Variants in SLC28A3 observed in about 807,000 individuals in gnomAD.
SLC28A3 encodes solute carrier family 28 member 3, also known as concentrative Na(+)-nucleoside cotransporter 3.
A neutral mutation model predicts 84.2 loss-of-function variants in SLC28A3; 68 were observed. That is an observed-to-expected ratio of 0.81 (90% CI 0.66 to 0.99). The LOEUF is 0.99. Among genes scored for constraint, SLC28A3 ranks in the 50% least tolerant of loss-of-function variants. The probability of loss-of-function intolerance (pLI) is 0.00; values close to 1 mark genes in which losing one functional copy is unlikely to be tolerated. For missense variants in SLC28A3, 712 were observed against 841.5 expected, an observed-to-expected ratio of 0.85 and a Z score of 1.90; for synonymous variants, 267 against 303.6, an observed-to-expected ratio of 0.88 and a Z score of 1.25.
chr9:84,358,002 ATCCCCTCATTGAT>A, the SLC28A3 span, among the ~76,000 whole-genome samples: 3 of 152,240 alleles, frequency 2.0e-5, no homozygotes, highest in African/African-American at 7.2e-5. Flanking sequence ...ACTCCATTTC[ATCCCCTCATTGAT>A]TCCCCTATTA....
intron 1 of SLC28A3, among the ~76,000 whole-genome samples, chr9:84,316,816 T>C (rs1408504455): frequency 6.6e-6 from 1 of 151,904 alleles, no homozygotes; most frequent in East Asian, 1.9e-4. Flanking sequence ...GCCTGGCCAA[T>C]ATGGTAACAC....
chr9:84,302,397 G>A lies in SLC28A3; in HGVS notation c.335-8C>T. The stretch of plus-strand genomic sequence containing the variant: ...TCACCATAACCAGATAACCTGTCCA[G>A]GAAGCAAAAACAGACACTGAACATC... On this transcript the variant is annotated splice_polypyrimidine_tract_variant and splice_region_variant and intron_variant, in intron 4 of 17. Coordinates refer to ENST00000376238, the MANE Select transcript of SLC28A3 (RefSeq NM_001199633.2). 1 of 1,611,592 alleles carries A rather than the reference G, an allele frequency of 6.2e-7. No individual in the cohort carries two copies. Among genetic ancestry groups the A allele is most frequent in the Non-Finnish European group, 8.5e-7 (1 of 1,179,074 alleles).
intron 10 of SLC28A3, 142 bp downstream of exon 10, chr9:84,292,526 G>T: frequency 1.7e-6 from 1 of 572,354 alleles, no homozygotes; most frequent in Non-Finnish European, 3.0e-6. Flanking sequence ...CTGGAATCCG[G>T]ACATTGCCAA....
intron 10 of SLC28A3, among the ~76,000 whole-genome samples, chr9:84,290,517 G>A (rs1043815702): frequency 2.0e-4 from 30 of 152,174 alleles, no homozygotes; most frequent in African/African-American, 7.0e-4. Flanking sequence ...CTTTCCGGGT[G>A]ATTCCAATGC....
At chr9:84,367,446 A>G in the SLC28A3 span, among the ~76,000 whole-genome samples, 1 of 152,136 alleles carries the variant, frequency 6.6e-6, no homozygotes, top group African/African-American at 2.4e-5. Context: ...CCCTTGATTG[A>G]AGGGGTCCTG....
intron 1 of SLC28A3, among the ~76,000 whole-genome samples, chr9:84,315,823 C>T (rs1826152991): frequency 2.0e-5 from 3 of 152,136 alleles, no homozygotes; most frequent in Non-Finnish European, 4.4e-5. Context: ...CAGATAATGT[C>T]TTAGCTCAAT....
chr9:84,285,741 A>G (rs561307623), intron 13 of SLC28A3, among the ~76,000 whole-genome samples, 199 bp from the exon 14 acceptor site: 2 of 152,288 alleles, frequency 1.3e-5, no homozygotes, highest in South Asian at 2.1e-4. Flanking sequence ...GGAAGGGGCC[A>G]GGAGAGACTG....
intron 16 of SLC28A3, among the ~76,000 whole-genome samples, chr9:84,279,588 C>G (rs913815505): frequency 6.6e-6 from 1 of 152,090 alleles, no homozygotes; most frequent in Non-Finnish European, 1.5e-5. Flanking sequence ...ATTACAGGCA[C>G]GCACCCAGCT....
the SLC28A3 span, among the ~76,000 whole-genome samples, chr9:84,359,156 C>G: frequency 2.6e-5 from 4 of 152,164 alleles, no homozygotes; most frequent in Admixed American, 1.3e-4. Flanking sequence ...CGGTTGCCAC[C>G]TAGGCATTGT....
At chr9:84,315,548 G>A (rs1395864557) in intron 1 of SLC28A3, among the ~76,000 whole-genome samples, 1 of 152,160 alleles carries the variant, frequency 6.6e-6, no homozygotes, top group Non-Finnish European at 1.5e-5. Flanking sequence ...GTGTGTTGAG[G>A]GATAGAGTGG....
At chr9:84,315,125 A>G (rs532900888) in intron 1 of SLC28A3, among the ~76,000 whole-genome samples, 22 of 152,324 alleles carry the variant, frequency 1.4e-4, no homozygotes, top group Non-Finnish European at 2.4e-4. Flanking sequence ...TATACATAGT[A>G]TGGGAAGATG....
Position 84,297,313 on chromosome 9 carries a change from G to A in SLC28A3, c.784-15C>T, listed in dbSNP as rs760377794. On this transcript the variant is annotated splice_polypyrimidine_tract_variant and intron_variant, in intron 7 of 17. Transcript: ENST00000376238. ...TCCAGAAAAGTCTGAGTTAAAGAAA[G>A]AAAAAGAGATTTCATTCCAACCACA... 1 of 1,600,864 alleles carries A rather than the reference G, an allele frequency of 6.2e-7. No homozygotes were observed. Among genetic ancestry groups the A allele is most frequent in the East Asian group, 2.2e-5 (1 of 44,810 alleles).
chr9:84,300,601 G>A (rs1431162825), intron 5 of SLC28A3, among the ~76,000 whole-genome samples: 3 of 152,194 alleles, frequency 2.0e-5, no homozygotes, highest in Non-Finnish European at 2.9e-5. Flanking sequence ...GGCCAAGGAT[G>A]TGTGAATTTT....
chr9:84,364,387 C>T, the SLC28A3 span, among the ~76,000 whole-genome samples: 21 of 152,246 alleles, frequency 1.4e-4, 1 homozygote, highest in Admixed American at 8.5e-4. Flanking sequence ...TGAGTCACCA[C>T]GCCTGACCTT....
upstream of SLC28A3, chr9:84,340,784 A>T: frequency 1.9e-4 from 120 of 642,524 alleles, no homozygotes; most frequent in Middle Eastern, 4.8e-4. Flanking sequence ...AATCTCCTGA[A>T]TGACTAGGGC....
At chr9:84,367,592 C>T in the SLC28A3 span, among the ~76,000 whole-genome samples, 1 of 152,152 alleles carries the variant, frequency 6.6e-6, no homozygotes, top group Admixed American at 6.6e-5. Context: ...GGACCTGCAC[C>T]GGCGCTGGTC....
the SLC28A3 span, among the ~76,000 whole-genome samples, chr9:84,358,512 C>G: frequency 3.9e-5 from 6 of 152,272 alleles, no homozygotes; most frequent in East Asian, 9.6e-4. Context: ...CTGAGATTCC[C>G]TAGCTCAGAA....
the SLC28A3 span, among the ~76,000 whole-genome samples, chr9:84,347,032 C>T: frequency 1.3e-5 from 2 of 151,610 alleles, no homozygotes; most frequent in Non-Finnish European, 2.9e-5. Flanking sequence ...AAAAACTAGC[C>T]GGACGTGGTA....
intron 1 of SLC28A3, among the ~76,000 whole-genome samples, chr9:84,327,805 C>A (rs1826621537): frequency 6.6e-6 from 1 of 151,332 alleles, no homozygotes; most frequent in Non-Finnish European, 1.5e-5. Flanking sequence ...GTAATCCCAG[C>A]TACTAGGGAG....
Sources: gnomAD v4.1 joint callset for allele counts (sites outside exome capture counted in the v4.1 genomes callset) on GRCh38, gnomAD v4.1.1 for gene constraint, MANE v1.5 for transcripts, NCBI Gene and HGNC (gene_info 2026-07-23, HGNC 2026-07-21) for gene names.